Variants in ANTXRL observed in about 807,000 individuals in gnomAD.
The protein encoded by ANTXRL is anthrax toxin receptor-like.
A neutral mutation model predicts 75.4 loss-of-function variants in ANTXRL; 63 were observed. That is an observed-to-expected ratio of 0.84 (90% CI 0.68 to 1.03). The LOEUF (loss-of-function observed/expected upper bound fraction) is 1.03, where lower values mean the gene tolerates loss of function less well. Ranked by LOEUF, ANTXRL falls within the 50% of genes least tolerant of loss-of-function variation. The pLI is 0.00. For synonymous variants in ANTXRL, 335 were observed against 291.3 expected (o/e 1.15, Z -1.53); for missense variants, 797 against 789.4 (o/e 1.01, Z -0.12).
At position 46,297,394 on chromosome 10, in the gene ANTXRL, T is replaced by C. The variant is rs782336220; in HGVS notation, c.586-12T>C. The C allele has an allele frequency of 2.5e-5, 38 of 1,535,968 alleles. No individual in the cohort carries two copies. The highest frequency in any genetic ancestry group is 3.1e-5 in the Non-Finnish European group (35 of 1,146,798). On this transcript the variant is annotated splice_polypyrimidine_tract_variant and intron_variant, in intron 6 of 16. Transcript: ENST00000620264. Reference sequence around the variant, plus strand: ...TTTTGATGACCAATATGCAATGCCTTCTTTCCCTTAGGCTCAAAAGGCTCG... The same window carrying C: ...TTTTGATGACCAATATGCAATGCCTCCTTTCCCTTAGGCTCAAAAGGCTCG...
chr10:46,314,005 T>A (rs1389684045), intron 16 of ANTXRL, among the ~76,000 whole-genome samples: 1 of 152,186 alleles, frequency 6.6e-6, no homozygotes, highest in Non-Finnish European at 1.5e-5. Flanking sequence ...TGGCTCGGCC[T>A]GGGACTCATC....
chr10:46,287,418 C>A lies in ANTXRL; in HGVS notation c.156C>A (p.His52Gln). 6.5e-7 allele frequency: 1 copy of A among 1,535,884 alleles called. No individual in the cohort carries two copies. The highest frequency in any genetic ancestry group is 2.4e-5 in the East Asian group (1 of 40,888). ...RLALGSRRAH[H>Q]HHGPGWRQHW... is the part of the protein sequence containing the mutation. The stretch of plus-strand genomic sequence containing the variant: ...CCCTGGGCTCCAGGAGAGCCCACCA[C>A]CACCATGGCCCAGGATGGAGGCAGC... The change falls in exon 1 of 17, where the codon CAC (histidine) becomes CAA (glutamine). Residue 52 changes from histidine (H) to glutamine (Q), a missense_variant. His to Gln is a conservative substitution (Grantham distance 24). This residue lies in a region of ANTXRL where 262 missense variants were observed against 271.9 expected (regional missense o/e 0.96). Coordinates refer to ENST00000620264, the MANE Select transcript of ANTXRL (RefSeq NM_001278688.3).
intron 3 of ANTXRL, chr10:46,294,186 G>T: frequency 2.2e-6 from 1 of 454,612 alleles, no homozygotes; most frequent in Non-Finnish European, 4.0e-6. Context: ...CCTGAAAGGT[G>T]GCTGTGAGGA....
chr10:46,309,209 G>A lies in ANTXRL; in HGVS notation c.1134+7G>A. 1 of 1,535,682 alleles carries A rather than the reference G, an allele frequency of 6.5e-7. No homozygotes were observed. The highest frequency in any genetic ancestry group is 1.7e-4 in the Middle Eastern group (1 of 5,940). ...GCGGCTGTGCCGCAAGCAGGCAAGT[G>A]CTCCCTGCCCGCCCAGCTCTGGGGC... On this transcript the variant is annotated splice_region_variant and intron_variant, in intron 13 of 16. Coordinates refer to ENST00000620264, the MANE Select transcript of ANTXRL (RefSeq NM_001278688.3).
At chr10:46,299,955 G>C (rs1554960099) in intron 9 of ANTXRL, among the ~76,000 whole-genome samples, 1 of 152,178 alleles carries the variant, frequency 6.6e-6, no homozygotes, top group East Asian at 1.9e-4. Context: ...CCCCCTCGGG[G>C]TCTCTTTCTG....
intron 16 of ANTXRL, among the ~76,000 whole-genome samples, chr10:46,328,264 A>G (rs1554966862): frequency 6.6e-6 from 1 of 152,142 alleles, no homozygotes; most frequent in Non-Finnish European, 1.5e-5. Context: ...CATTCCAGAA[A>G]CAGAGGACAG....
In ANTXRL at chr10:46,313,564, C is replaced by T. The variant is rs574341015; in HGVS notation, c.1410+248C>T. ...GATGGCTAACAGAGTTGTTGGGCAACAGTGACTGGTTCTAACAGGGAATAA... is the reference window on the plus strand; with the variant it reads ...GATGGCTAACAGAGTTGTTGGGCAATAGTGACTGGTTCTAACAGGGAATAA... On this transcript the variant is annotated intron_variant, in intron 16 of 16. Coordinates refer to ENST00000620264, the MANE Select transcript of ANTXRL (RefSeq NM_001278688.3). Among the ~76,000 whole-genome samples, 220 of 152,286 alleles carry T rather than the reference C, an allele frequency of 1.4e-3. 2 individuals carry two copies. The highest frequency in any genetic ancestry group is 5.0e-3 in the African/African-American group (207 of 41,540).
intron 1 of ANTXRL, among the ~76,000 whole-genome samples, chr10:46,288,842 G>A (rs1456583326): frequency 6.6e-6 from 1 of 152,148 alleles, no homozygotes; most frequent in Non-Finnish European, 1.5e-5. Flanking sequence ...GAGGGGGAAT[G>A]CAGAGGGAGT....
intron 16 of ANTXRL, among the ~76,000 whole-genome samples, chr10:46,321,187 C>T (rs1286682685): frequency 6.6e-6 from 1 of 152,132 alleles, no homozygotes; most frequent in Admixed American, 6.5e-5. Flanking sequence ...CCCAATTGCT[C>T]GGGTTTTATG....
At chr10:46,297,701 G>A in intron 7 of ANTXRL, 130 bp from the exon 8 acceptor site, 1 of 932,946 alleles carries the variant, frequency 1.1e-6, no homozygotes, top group Non-Finnish European at 1.6e-6. Context: ...GGCTGGAGAA[G>A]TCTGTGACAT....
intron 1 of ANTXRL, among the ~76,000 whole-genome samples, chr10:46,291,793 C>A (rs1418125559): frequency 6.6e-6 from 1 of 152,272 alleles, no homozygotes; most frequent in African/African-American, 2.4e-5. Context: ...GATCAGCCAC[C>A]TGGATGGCAA....
At position 46,326,092 on chromosome 10, in the gene ANTXRL, G is replaced by GT. The variant is rs111489384; in HGVS notation, c.1411-3493dup. Among the ~76,000 whole-genome samples, 459 of 142,010 alleles carry GT rather than the reference G, an allele frequency of 3.2e-3. 3 individuals are homozygous for GT. The highest frequency in any genetic ancestry group is 7.5e-3 in the Middle Eastern group (2 of 268). The allele number at this position is 142,010 out of a possible 152,430, so 93.2% of individuals were successfully genotyped here. ...AGGTCTTTCTTTGTAAGGCATCTGG[G>GT]TTTTTTTTTTTTTTCATCTTCATGC... On this transcript the variant is annotated intron_variant, in intron 16 of 16. Coordinates refer to ENST00000620264, the MANE Select transcript of ANTXRL (RefSeq NM_001278688.3).
intron 1 of ANTXRL, among the ~76,000 whole-genome samples, chr10:46,289,784 C>A (rs1391674444): frequency 1.3e-5 from 2 of 152,086 alleles, no homozygotes; most frequent in Non-Finnish European, 2.9e-5. Context: ...ACAATAACTC[C>A]CCATTCCTCC....
At chr10:46,299,651 C>T (rs1490385130) in intron 9 of ANTXRL, among the ~76,000 whole-genome samples, 1 of 152,168 alleles carries the variant, frequency 6.6e-6, no homozygotes. Context: ...GCTGTGGGGA[C>T]AGACACACCG....
intron 16 of ANTXRL, among the ~76,000 whole-genome samples, chr10:46,327,824 C>CT (rs1229424871): frequency 8.5e-5 from 13 of 152,202 alleles, no homozygotes; most frequent in South Asian, 6.2e-4. Flanking sequence ...TCCAGGCAGC[C>CT]GGGAAGGGTG....
At chr10:46,316,553 G>A (rs1554964702) in intron 16 of ANTXRL, among the ~76,000 whole-genome samples, 1 of 152,094 alleles carries the variant, frequency 6.6e-6, no homozygotes, top group African/African-American at 2.4e-5. Context: ...AAGCTCTGAT[G>A]TTTAGTGATG....
At chr10:46,293,716 A>C (rs1837195797) in intron 2 of ANTXRL, 113 bp from the exon 3 acceptor site, 1 of 860,242 alleles carries the variant, frequency 1.2e-6, no homozygotes, top group Admixed American at 2.2e-5. Flanking sequence ...CCTTGTGTCC[A>C]GCAAGGGGCT....
intron 9 of ANTXRL, among the ~76,000 whole-genome samples, chr10:46,298,489 G>A (rs782212059): frequency 2.0e-5 from 3 of 151,526 alleles, no homozygotes; most frequent in Non-Finnish European, 4.4e-5. Flanking sequence ...TGCATGTGGG[G>A]GTGTGAGTGT....
At chr10:46,318,493 A>G (rs80156540) in intron 16 of ANTXRL, among the ~76,000 whole-genome samples, 7,389 of 152,168 alleles carry the variant, frequency 0.049, 612 homozygotes, top group African/African-American at 0.17. Context: ...TTTGATCAAA[A>G]CGACAAGTTC....
Sources: allele counts gnomAD v4.1 joint callset (sites outside exome capture counted in the v4.1 genomes callset), GRCh38; gene constraint gnomAD v4.1.1; regional missense constraint gnomAD v4.1.1; transcripts MANE v1.5; gene names NCBI Gene and HGNC (gene_info 2026-07-23, HGNC 2026-07-21).